SPAG16: variants seen among roughly 807,000 people sequenced by gnomAD.
SPAG16 encodes sperm-associated antigen 16 protein.
A neutral mutation model predicts 80.4 loss-of-function variants in SPAG16; 86 were observed. The observed-to-expected ratio is 1.07, with a 90% CI of 0.90 to 1.28. The LOEUF is 1.28. Among genes scored for constraint, SPAG16 ranks in the 50% most tolerant of loss-of-function variants. The pLI is 0.00. For synonymous variants in SPAG16, 294 were observed against 265.9 expected (o/e 1.11, Z -1.03); for missense variants, 870 against 765.3 (o/e 1.14, Z -1.61).
chr2:214,001,145 G>A (rs1005402118), intron 12 of SPAG16, among the ~76,000 whole-genome samples: 6 of 152,138 alleles, frequency 3.9e-5, no homozygotes, highest in Non-Finnish European at 8.8e-5. Flanking sequence ...TATTTTAGAA[G>A]AGGTTTTTGA....
At chr2:214,113,421 A>G (rs1010476330) in intron 14 of SPAG16, among the ~76,000 whole-genome samples, 4 of 152,220 alleles carry the variant, frequency 2.6e-5, no homozygotes, top group African/African-American at 7.2e-5. Context: ...AAGTTTTCCA[A>G]CTTGGTTCCA....
intron 13 of SPAG16, among the ~76,000 whole-genome samples, chr2:214,088,024 A>T (rs996484469): frequency 6.6e-6 from 1 of 152,142 alleles, no homozygotes; most frequent in African/African-American, 2.4e-5. Flanking sequence ...GTATGAAAAA[A>T]TGCAGTGTGA....
intron 12 of SPAG16, among the ~76,000 whole-genome samples, chr2:213,945,622 A>C (rs542378414): frequency 2.6e-4 from 40 of 152,098 alleles, no homozygotes; most frequent in Non-Finnish European, 5.0e-4. Flanking sequence ...TCCCCAGCCC[A>C]CTGACTTAAG....
chr2:213,651,909 T>C (rs970908994), intron 10 of SPAG16, among the ~76,000 whole-genome samples: 2 of 152,174 alleles, frequency 1.3e-5, no homozygotes, highest in African/African-American at 4.8e-5. Flanking sequence ...TATAATTTTA[T>C]ATAGGTTTGA....
chr2:213,843,860 A>G (rs552561948), intron 10 of SPAG16, among the ~76,000 whole-genome samples: 147 of 152,290 alleles, frequency 9.7e-4, no homozygotes, highest in African/African-American at 3.2e-3. Flanking sequence ...CAAAAAACAA[A>G]CAAACAAAAA....
In SPAG16 at chr2:214,408,001, C is replaced by T. The variant is rs143059054; in HGVS notation, c.1721-2139C>T. ...ATGAATTCAGGTAAACTTGAAAAAC[C>T]GCATAATAAATTTGCTGACCAAAAT... On this transcript the variant is annotated intron_variant, in intron 15 of 15. Coordinates refer to ENST00000331683, the MANE Select transcript of SPAG16 (RefSeq NM_024532.5). Among the ~76,000 whole-genome samples the T allele has an allele frequency of 6.2e-3, 945 of 152,146 alleles. 8 individuals carry two copies. Among genetic ancestry groups the T allele is most frequent in the South Asian group, 0.014 (67 of 4,822 alleles).
At chr2:213,552,466 T>C (rs2076807729) in intron 10 of SPAG16, among the ~76,000 whole-genome samples, 1 of 152,226 alleles carries the variant, frequency 6.6e-6, no homozygotes, top group Admixed American at 6.5e-5. Context: ...ATTCTTTATT[T>C]TCTCAACTCT....
At chr2:213,771,691 A>G (rs1284767697) in intron 10 of SPAG16, among the ~76,000 whole-genome samples, 1 of 152,114 alleles carries the variant, frequency 6.6e-6, no homozygotes, top group South Asian at 2.1e-4. Flanking sequence ...TTTTTCCACC[A>G]TTTATTAAAT....
chr2:213,617,648 AT>A (rs1193807904), intron 10 of SPAG16, among the ~76,000 whole-genome samples: 5 of 150,644 alleles, frequency 3.3e-5, no homozygotes, highest in East Asian at 1.9e-4. Flanking sequence ...GCCCAAAATA[AT>A]TTTTTTTTTA....
intron 10 of SPAG16, among the ~76,000 whole-genome samples, chr2:213,658,823 A>C (rs951559512): frequency 6.6e-6 from 1 of 152,154 alleles, no homozygotes; most frequent in African/African-American, 2.4e-5. Context: ...CGGATCACGA[A>C]GTCAGGAGAT....
intron 1 of SPAG16, among the ~76,000 whole-genome samples, chr2:213,289,534 A>C (rs1489210061): frequency 6.6e-6 from 1 of 152,188 alleles, no homozygotes; most frequent in East Asian, 1.9e-4. Context: ...AATTGGCAAA[A>C]GGGAATGTGA....
At chr2:213,604,198 C>G (rs941538658) in intron 10 of SPAG16, among the ~76,000 whole-genome samples, 1 of 151,986 alleles carries the variant, frequency 6.6e-6, no homozygotes, top group African/African-American at 2.4e-5. Context: ...TGCCTGACTT[C>G]CTGTTTATTT....
intron 9 of SPAG16, among the ~76,000 whole-genome samples, chr2:213,459,315 G>A (rs569176232): frequency 6.6e-6 from 1 of 152,086 alleles, no homozygotes; most frequent in Non-Finnish European, 1.5e-5. Flanking sequence ...TTCTTTTTGG[G>A]TGCAAGACAT....
At chr2:213,587,553 T>A (rs2060515562) in intron 10 of SPAG16, among the ~76,000 whole-genome samples, 2 of 152,206 alleles carry the variant, frequency 1.3e-5, no homozygotes. Flanking sequence ...GGCCATTCTT[T>A]CATTGTCCTG....
intron 10 of SPAG16, among the ~76,000 whole-genome samples, chr2:213,674,410 T>A (rs1445962629): frequency 6.6e-6 from 1 of 151,894 alleles, no homozygotes; most frequent in African/African-American, 2.4e-5. Flanking sequence ...TACTTTTAAG[T>A]TTTAGGGTAC....
intron 9 of SPAG16, among the ~76,000 whole-genome samples, chr2:213,489,415 T>A (rs573132495): frequency 6.6e-6 from 1 of 152,144 alleles, no homozygotes; most frequent in Non-Finnish European, 1.5e-5. Flanking sequence ...GATTCTAATA[T>A]GTGTGATTTG....
At chr2:213,658,974 T>G (rs1410449000) in intron 10 of SPAG16, among the ~76,000 whole-genome samples, 1 of 152,020 alleles carries the variant, frequency 6.6e-6, no homozygotes, top group Non-Finnish European at 1.5e-5. Context: ...AGGCAGAGGT[T>G]GCAGTGAGCT....
At chr2:213,618,451 C>G (rs2061668687) in intron 10 of SPAG16, among the ~76,000 whole-genome samples, 1 of 152,118 alleles carries the variant, frequency 6.6e-6, no homozygotes, top group African/African-American at 2.4e-5. Context: ...CAAACAGTCC[C>G]CCCAAACTGT....
intron 10 of SPAG16, among the ~76,000 whole-genome samples, chr2:213,753,897 C>A (rs773560235): frequency 6.6e-6 from 1 of 152,136 alleles, no homozygotes; most frequent in Non-Finnish European, 1.5e-5. Context: ...AATGCTCTAC[C>A]TTCATAAGAA....
Sources: gnomAD v4.1 joint callset for allele counts (sites outside exome capture counted in the v4.1 genomes callset) on GRCh38, gnomAD v4.1.1 for gene constraint, MANE v1.5 for transcripts, NCBI Gene and HGNC (gene_info 2026-07-23, HGNC 2026-07-21) for gene names.